Variants in PDE4D observed in about 807,000 individuals in gnomAD.
PDE4D encodes 3',5'-cyclic-AMP phosphodiesterase 4D.
PDE4D carries 24 observed loss-of-function variants against 87.4 expected under a neutral mutation model. That is an observed-to-expected ratio of 0.27 (90% CI 0.20 to 0.39). PDE4D has a LOEUF of 0.39. Among genes scored for constraint, PDE4D ranks in the 10% least tolerant of loss-of-function variants. The probability of loss-of-function intolerance (pLI) is 1.00; values close to 1 mark genes in which losing one functional copy is unlikely to be tolerated. For synonymous variants in PDE4D, 384 were observed against 383.2 expected (o/e 1.00, Z -0.02); for missense variants, 714 against 1,041.0 (o/e 0.69, Z 4.32).
chr5:60,257,557 A>G (rs1749222413), intron 1 of PDE4D, among the ~76,000 whole-genome samples: 2 of 151,982 alleles, frequency 1.3e-5, no homozygotes, highest in Admixed American at 1.3e-4. Context: ...GGCATTTAGC[A>G]TTTAGTTATC....
intron 1 of PDE4D, among the ~76,000 whole-genome samples, chr5:59,270,160 T>C (rs772064645): frequency 2.0e-5 from 3 of 152,186 alleles, no homozygotes; most frequent in African/African-American, 4.8e-5. Flanking sequence ...TTTAAGTATA[T>C]TTCATAACAG....
chr5:60,360,643 AATT>A (rs1188682347), intron 1 of PDE4D, among the ~76,000 whole-genome samples: 1 of 152,200 alleles, frequency 6.6e-6, no homozygotes. Context: ...ATTTACACCT[AATT>A]AAGCTTAAAT....
chr5:59,092,648 G>T (rs889819310), intron 5 of PDE4D, among the ~76,000 whole-genome samples: 4 of 152,172 alleles, frequency 2.6e-5, no homozygotes, highest in Admixed American at 6.5e-5. Flanking sequence ...TCTGAAATCA[G>T]ATCTGAATTT....
Position 59,244,591 on chromosome 5 carries a change from T to C in PDE4D, c.456-28623A>G, listed in dbSNP as rs531109212. ...ACACATATGTATACACATATATATA[T>C]ACATATATACACATATATACACATA... On this transcript the variant is annotated intron_variant, in intron 1 of 14. Transcript: ENST00000340635. Among the ~76,000 whole-genome samples, 23 of 149,976 alleles carry C rather than the reference T, an allele frequency of 1.5e-4. No individual in the cohort carries two copies. The South Asian group carries it at 1.7e-3, about 11-fold the overall frequency.
chr5:58,977,585 G>A (rs1037713624), intron 11 of PDE4D, among the ~76,000 whole-genome samples: 1 of 152,112 alleles, frequency 6.6e-6, no homozygotes, highest in Non-Finnish European at 1.5e-5. Context: ...CACTCTGTAG[G>A]TCTCAGCTTT....
chr5:59,537,264 T>C (rs1336165243), intron 1 of PDE4D, among the ~76,000 whole-genome samples: 2 of 152,340 alleles, frequency 1.3e-5, no homozygotes, highest in South Asian at 2.1e-4. Flanking sequence ...GTCTACATTA[T>C]GTATGAGCAG....
At chr5:59,154,754 T>G (rs1456270913) in intron 5 of PDE4D, among the ~76,000 whole-genome samples, 1 of 152,034 alleles carries the variant, frequency 6.6e-6, no homozygotes, top group African/African-American at 2.4e-5. Context: ...GGTGTGATGG[T>G]GTACACCTGT....
chr5:59,904,179 G>A (rs1752576300), intron 3 of PDE4D, among the ~76,000 whole-genome samples: 1 of 152,048 alleles, frequency 6.6e-6, no homozygotes, highest in Non-Finnish European at 1.5e-5. Context: ...AAAATACTAT[G>A]CTTTACCATG....
At chr5:59,449,131 T>A (rs974886869) in intron 1 of PDE4D, among the ~76,000 whole-genome samples, 1 of 152,226 alleles carries the variant, frequency 6.6e-6, no homozygotes, top group African/African-American at 2.4e-5. Context: ...AGTCCTGTGT[T>A]CCACTGTGAA....
chr5:60,112,554 T>A lies in PDE4D; in HGVS notation c.42+73003A>T, dbSNP rs187625172. Among the ~76,000 whole-genome samples the A allele has an allele frequency of 1.8e-4, 28 of 152,282 alleles. No homozygotes were observed. In the East Asian group the frequency reaches 4.1e-3, roughly 22 times the overall value. ...TGACTTATTTTATTGGGTATTCTACTTAGTCAAAATAGCATATGCCTGATC... is the reference window on the plus strand; with the variant it reads ...TGACTTATTTTATTGGGTATTCTACATAGTCAAAATAGCATATGCCTGATC... On this transcript the variant is annotated intron_variant, in intron 2 of 16. Coordinates refer to the PDE4D transcript ENST00000502484.
intron 1 of PDE4D, among the ~76,000 whole-genome samples, chr5:59,696,908 G>T (rs1751866992): frequency 6.6e-6 from 1 of 152,240 alleles, no homozygotes; most frequent in African/African-American, 2.4e-5. Flanking sequence ...ATACACATAT[G>T]AGAAGTAAAA....
At chr5:59,279,698 C>T (rs1026382694) in intron 1 of PDE4D, among the ~76,000 whole-genome samples, 1 of 151,976 alleles carries the variant, frequency 6.6e-6, no homozygotes, top group African/African-American at 2.4e-5. Context: ...ATAATAATTT[C>T]ATACATAAAG....
intron 6 of PDE4D, among the ~76,000 whole-genome samples, chr5:59,037,825 A>G (rs571072284): frequency 3.3e-4 from 47 of 140,414 alleles, no homozygotes; most frequent in Non-Finnish European, 1.1e-4. Flanking sequence ...GATAAAAACC[A>G]TAGAAAGGTA....
intron 3 of PDE4D, among the ~76,000 whole-genome samples, chr5:59,938,854 A>C (rs1756889605): frequency 6.6e-6 from 1 of 152,218 alleles, no homozygotes; most frequent in Non-Finnish European, 1.5e-5. Flanking sequence ...CTCTACATTA[A>C]AATGTCAGTA....
At chr5:59,437,356 A>G (rs889293853) in intron 1 of PDE4D, among the ~76,000 whole-genome samples, 6 of 152,240 alleles carry the variant, frequency 3.9e-5, no homozygotes, top group Non-Finnish European at 8.8e-5. Flanking sequence ...CTTAAAAAGC[A>G]TAGTCTACTT....
At chr5:59,661,866 G>T (rs1745302176) in intron 1 of PDE4D, among the ~76,000 whole-genome samples, 1 of 152,196 alleles carries the variant, frequency 6.6e-6, no homozygotes, top group Non-Finnish European at 1.5e-5. Flanking sequence ...TGTCCTGTTT[G>T]CCTGGGGTGC....
At chr5:59,711,600 AT>A (rs1277486197) in intron 1 of PDE4D, among the ~76,000 whole-genome samples, 2 of 152,110 alleles carry the variant, frequency 1.3e-5, no homozygotes, top group African/African-American at 4.8e-5. Context: ...ATCAAAATGG[AT>A]TGTTCATCAT....
intron 2 of PDE4D, among the ~76,000 whole-genome samples, chr5:60,051,727 CA>C (rs1310303661): frequency 3.3e-5 from 5 of 150,978 alleles, no homozygotes; most frequent in Middle Eastern, 6.3e-3. Flanking sequence ...AAAAACCCTT[CA>C]AAAAATCAAT....
intron 1 of PDE4D, chr5:60,460,568 G>C: frequency 7.5e-7 from 1 of 1,328,436 alleles, no homozygotes. Flanking sequence ...TCTTCATTAA[G>C]TCTGTCTATT....
Sources: gnomAD v4.1 joint callset for allele counts (sites outside exome capture counted in the v4.1 genomes callset) on GRCh38, gnomAD v4.1.1 for gene constraint, MANE v1.5 for transcripts, NCBI Gene and HGNC (gene_info 2026-07-23, HGNC 2026-07-21) for gene names.